Variants in MAS1 observed in about 807,000 individuals in gnomAD.
MAS1 encodes MAS1 proto-oncogene, G protein-coupled receptor, also known as proto-oncogene Mas.
For missense variants in MAS1, 387 were observed against 409.7 expected (o/e 0.94, Z 0.48); for synonymous variants, 163 against 164.2 (o/e 0.99, Z 0.05).
intron 2 of MAS1, among the ~76,000 whole-genome samples, chr6:159,905,234 G>A (rs1251628080): frequency 6.6e-6 from 1 of 152,312 alleles, no homozygotes; most frequent in African/African-American, 2.4e-5. Flanking sequence ...CTAAATGTGT[G>A]GGGGGAGAAT....
upstream of MAS1, among the ~76,000 whole-genome samples, chr6:159,889,765 C>T (rs1782676844): frequency 6.6e-6 from 1 of 152,192 alleles, no homozygotes; most frequent in South Asian, 2.1e-4. Flanking sequence ...ATTTGCTGCT[C>T]AGCACTGCCT....
rs970277077 is a variant in MAS1 at position 159,914,898 on chromosome 6, C to T, written c.*6965C>T. On this transcript the variant is annotated 3_prime_UTR_variant, in exon 3 of 3. Transcript: ENST00000674077. ...GAAACCATGGATCTAGAGACATTCT[C>T]TGAGTGACACTATGCCAGCTGGGAG... The T allele has an allele frequency of 2.0e-5, 3 of 152,252 alleles. No homozygotes were observed. Among genetic ancestry groups the T allele is most frequent in the African/African-American group, 7.2e-5 (3 of 41,460 alleles). 9.4% of individuals were successfully genotyped at this position (152,252 alleles called of 1,614,324 possible). A position where few individuals can be genotyped will look rare whatever the true frequency, so the allele number is the denominator to read the frequency against.
intron 1 of MAS1, among the ~76,000 whole-genome samples, chr6:159,897,117 G>A (rs1319840407): frequency 6.6e-5 from 10 of 152,062 alleles, no homozygotes; most frequent in Non-Finnish European, 1.0e-4. Flanking sequence ...CTTGTGATCC[G>A]CCCGCCTCGG....
rs1783024465 is a variant in MAS1, at chr6:159,916,381, T to TAGTG, written c.*8448_*8449insAGTG. The TAGTG allele has an allele frequency of 1.3e-5, 2 of 152,176 alleles. No homozygotes were observed. Among genetic ancestry groups the TAGTG allele is most frequent in the Non-Finnish European group, 2.9e-5 (2 of 68,038 alleles). 9.4% of individuals were successfully genotyped at this position (152,176 alleles called of 1,614,324 possible). On this transcript the variant is annotated 3_prime_UTR_variant, in exon 3 of 3. Coordinates refer to ENST00000674077, the MANE Select transcript of MAS1 (RefSeq NM_002377.4). ...GAGTTAGTGTTTAGTAGGAACTGAA[T>TAGTG]TTCAGTTTGAGGAGATGAAAATGTT...
At chr6:159,904,220 C>T (rs554365807) in intron 2 of MAS1, among the ~76,000 whole-genome samples, 20 of 152,190 alleles carry the variant, frequency 1.3e-4, no homozygotes, top group African/African-American at 3.6e-4. Flanking sequence ...TTTAATGGCC[C>T]GTATTTCACA....
At chr6:159,898,961 A>C (rs1782793395) in intron 1 of MAS1, among the ~76,000 whole-genome samples, 1 of 152,162 alleles carries the variant, frequency 6.6e-6, no homozygotes, top group South Asian at 2.1e-4. Context: ...CACTGGAGCA[A>C]AGGCAGTTGG....
intron 2 of MAS1, among the ~76,000 whole-genome samples, chr6:159,903,629 T>G (rs899412762): frequency 6.6e-6 from 1 of 152,136 alleles, no homozygotes; most frequent in Non-Finnish European, 1.5e-5. Flanking sequence ...AGACAGCTTC[T>G]CGCCTTGGGC....
rs773393107 is a variant in MAS1 at position 159,907,435 on chromosome 6, T to G, written c.480T>G (p.Ser160=). 1.1e-4 allele frequency: 177 copies of G among 1,613,962 alleles called. 1 individual carries two copies. The Admixed American group carries it at 3.0e-3, about 27-fold the overall frequency. The change falls in exon 3 of 3, where the codon TCT becomes TCG. Residue 160 remains serine (S), a synonymous_variant. Coordinates refer to ENST00000674077, the MANE Select transcript of MAS1 (RefSeq NM_002377.4). ...ALVCALLWAL[S]CLVTTMEYVM... ...TCTGTGCCCTTCTGTGGGCTCTTTC[T>G]TGCTTGGTGACCACCATGGAGTATG...
rs1174213804 is a variant in MAS1 at position 159,911,812 on chromosome 6, C to G, written c.*3879C>G. 6.6e-6 allele frequency: 1 copy of G among 152,326 alleles called. No individual in the cohort carries two copies. The highest frequency in any genetic ancestry group is 1.9e-4 in the East Asian group (1 of 5,176). 9.4% of individuals were successfully genotyped at this position (152,326 alleles called of 1,614,324 possible). A position where few individuals can be genotyped will look rare whatever the true frequency, so the allele number is the denominator to read the frequency against. The stretch of plus-strand genomic sequence containing the variant: ...AACTCTTCCAGACATCCCCGCTGTC[C>G]CCTCTGCTGACCTAGCTCCATCTTC... On this transcript the variant is annotated 3_prime_UTR_variant, in exon 3 of 3. Coordinates refer to ENST00000674077, the MANE Select transcript of MAS1 (RefSeq NM_002377.4).
intron 2 of MAS1, 124 bp from the exon 3 acceptor site, chr6:159,906,796 G>C (rs1030510962): frequency 2.3e-5 from 16 of 703,750 alleles, no homozygotes; most frequent in Non-Finnish European, 3.5e-5. Flanking sequence ...GATAACTGTA[G>C]AGTCTGTTAA....
Position 159,912,985 on chromosome 6 carries a change from C to T in MAS1, c.*5052C>T, listed in dbSNP as rs1350153453. The T allele has an allele frequency of 6.6e-6, 1 of 152,186 alleles. No homozygotes were observed. The highest frequency in any genetic ancestry group is 1.5e-5 in the Non-Finnish European group (1 of 68,034). 9.4% of individuals were successfully genotyped at this position (152,186 alleles called of 1,614,324 possible). ...TAATATCAAATGTTGAAGAGAGGCT[C>T]TTGGGAAAACTGCTGAAGTCTTTAG... On this transcript the variant is annotated 3_prime_UTR_variant, in exon 3 of 3. Transcript: ENST00000674077.
At position 159,907,977 on chromosome 6, in the gene MAS1, C is replaced by A. The variant is rs759606731; in HGVS notation, c.*44C>A. 2.6e-6 allele frequency: 4 copies of A among 1,536,722 alleles called. No homozygotes were observed. The highest frequency in any genetic ancestry group is 1.3e-5 in the South Asian group (1 of 77,440). On this transcript the variant is annotated 3_prime_UTR_variant, in exon 3 of 3. Transcript: ENST00000674077. Reference sequence around the variant, plus strand: ...TGGATAAAAATGGTGGAACACAGGTCATTTTTAGTTTGTGCTTGGAATATG... The same window carrying A: ...TGGATAAAAATGGTGGAACACAGGTAATTTTTAGTTTGTGCTTGGAATATG...
chr6:159,907,137 T>C lies in MAS1; in HGVS notation c.182T>C (p.Met61Thr), dbSNP rs1456931011. ...CTCCTCTGGTTCCTGTGCTTCCGGA[T>C]GAGAAGAAATCCCTTCACTGTCTAC... ...GILLWFLCFR[M>T]RRNPFTVYIT... The change falls in exon 3 of 3, where the codon ATG becomes ACG. Residue 61 changes from methionine (M) to threonine (T), a missense_variant. Transcript: ENST00000674077. 3 of 1,614,234 alleles carry C rather than the reference T, an allele frequency of 1.9e-6. No homozygotes were observed. The highest frequency in any genetic ancestry group is 2.5e-6 in the Non-Finnish European group (3 of 1,180,028).
chr6:159,892,450 C>A (rs145244549), intron 1 of MAS1, among the ~76,000 whole-genome samples: 85 of 152,224 alleles, frequency 5.6e-4, no homozygotes, highest in African/African-American at 1.8e-3. Context: ...CCTTTTTTCT[C>A]CCTGCCTTTC....
rs1441343453 is a variant in MAS1 at position 159,911,549 on chromosome 6, C to G, written c.*3616C>G. Reference sequence around the variant, plus strand: ...GTACACCGCTGGTCACCCTGTCCCCCTTGCTATGCTATTCCCTTTGCACAG... The same window carrying G: ...GTACACCGCTGGTCACCCTGTCCCCGTTGCTATGCTATTCCCTTTGCACAG... On this transcript the variant is annotated 3_prime_UTR_variant, in exon 3 of 3. Coordinates refer to ENST00000674077, the MANE Select transcript of MAS1 (RefSeq NM_002377.4). 6.6e-6 allele frequency: 1 copy of G among 152,336 alleles called. No individual in the cohort carries two copies. The highest frequency in any genetic ancestry group is 2.4e-5 in the African/African-American group (1 of 41,350). 9.4% of individuals were successfully genotyped at this position (152,336 alleles called of 1,614,324 possible). A position where few individuals can be genotyped will look rare whatever the true frequency, so the allele number is the denominator to read the frequency against.
At chr6:159,905,482 G>A (rs775477815) in intron 2 of MAS1, among the ~76,000 whole-genome samples, 16 of 152,168 alleles carry the variant, frequency 1.1e-4, no homozygotes, top group Admixed American at 3.3e-4. Flanking sequence ...GACCACGGAG[G>A]CAGTGTCCTC....
intron 2 of MAS1, among the ~76,000 whole-genome samples, chr6:159,903,692 C>G (rs569582619): frequency 6.6e-6 from 1 of 152,196 alleles, no homozygotes; most frequent in South Asian, 2.1e-4. Flanking sequence ...ACACACCCTG[C>G]CTTCCCCTTC....
intron 2 of MAS1, among the ~76,000 whole-genome samples, chr6:159,904,781 A>T (rs1028558466): frequency 8.6e-5 from 13 of 151,576 alleles, no homozygotes; most frequent in Non-Finnish European, 1.8e-4. Flanking sequence ...GTCGCCAAAG[A>T]CCCCTGCCTT....
intron 2 of MAS1, among the ~76,000 whole-genome samples, chr6:159,906,115 A>G (rs972854755): frequency 3.3e-5 from 5 of 152,162 alleles, no homozygotes; most frequent in African/African-American, 1.2e-4. Context: ...TTTACTACAT[A>G]CACATACACA....
Sources: allele counts gnomAD v4.1 joint callset (sites outside exome capture counted in the v4.1 genomes callset), GRCh38; gene constraint gnomAD v4.1.1; transcripts MANE v1.5; gene names NCBI Gene and HGNC (gene_info 2026-07-23, HGNC 2026-07-21).